The following FAM149B1 variants were observed in gnomAD, a reference collection of about 807,000 sequenced individuals.
FAM149B1 encodes primary cilium assembly protein FAM149B1.
A neutral mutation model predicts 75.3 loss-of-function variants in FAM149B1; 56 were observed. The ratio of observed to expected loss-of-function variants is 0.74; its 90% CI spans 0.60 to 0.93. The LOEUF is 0.93. Among genes scored for constraint, FAM149B1 ranks in the 40% least tolerant of loss-of-function variants. The pLI, the probability that FAM149B1 is intolerant of heterozygous loss-of-function variation, is 0.00. For synonymous variants in FAM149B1, 259 were observed against 256.1 expected (o/e 1.01, Z -0.11); for missense variants, 639 against 708.4 (o/e 0.90, Z 1.11).
At chr10:73,223,678 G>A (rs1003450709) in intron 7 of FAM149B1, among the ~76,000 whole-genome samples, 1 of 151,180 alleles carries the variant, frequency 6.6e-6, no homozygotes, top group Non-Finnish European at 1.5e-5. Flanking sequence ...CACACTTGAT[G>A]TGTGGTCTTT....
chr10:73,187,533 C>G (rs1476506448), intron 3 of FAM149B1, among the ~76,000 whole-genome samples: 1 of 151,390 alleles, frequency 6.6e-6, no homozygotes, highest in Non-Finnish European at 1.5e-5. Flanking sequence ...AGTTCGAGAC[C>G]AGCCTGACCA....
Position 73,168,405 on chromosome 10 carries a change from C to T in FAM149B1, c.47+19C>T. 6.5e-7 allele frequency: 1 copy of T among 1,549,098 alleles called. No individual in the cohort carries two copies. The highest frequency in any genetic ancestry group is 2.1e-4 in the Middle Eastern group (1 of 4,814). ...TGGAGCTGTGAGTGGACTGCTCAGC[C>T]ACCCCAGCCGGGGCGGGCGGCGGGC... On this transcript the variant is annotated intron_variant, in intron 1 of 13. Transcript: ENST00000242505.
At chr10:73,223,621 A>AC (rs2043468074) in intron 7 of FAM149B1, among the ~76,000 whole-genome samples, 1 of 152,230 alleles carries the variant, frequency 6.6e-6, no homozygotes, top group South Asian at 2.1e-4. Context: ...ATACCTACTT[A>AC]CAGCCTCTCC....
At chr10:73,194,812 T>C (rs529957128) in intron 5 of FAM149B1, among the ~76,000 whole-genome samples, 2 of 151,950 alleles carry the variant, frequency 1.3e-5, no homozygotes, top group Admixed American at 1.3e-4. Flanking sequence ...GCCTCCTGAT[T>C]AGCTGGGATT....
At chr10:73,174,186 G>A (rs919085817) in intron 1 of FAM149B1, among the ~76,000 whole-genome samples, 1 of 152,166 alleles carries the variant, frequency 6.6e-6, no homozygotes, top group Non-Finnish European at 1.5e-5. Flanking sequence ...GCCCAAGAGT[G>A]CAACTGCTAG....
chr10:73,234,705 T>C (rs2043782675), intron 10 of FAM149B1, 112 bp from the exon 11 acceptor site: 1 of 1,171,642 alleles, frequency 8.5e-7, no homozygotes, highest in Admixed American at 2.6e-5. Context: ...AGCCTAAAGC[T>C]TTCTGTGCAC....
chr10:73,243,225 G>A lies in FAM149B1; in HGVS notation c.*2206G>A, dbSNP rs1488006727. On this transcript the variant is annotated 3_prime_UTR_variant, in exon 14 of 14. Coordinates refer to ENST00000242505, the MANE Select transcript of FAM149B1 (RefSeq NM_173348.2). Reference sequence around the variant, plus strand: ...CTCACACAATGTCAAGTGCTTTCTAGGAAATACTAAGATCAGGTTGAGAGA... The same window carrying A: ...CTCACACAATGTCAAGTGCTTTCTAAGAAATACTAAGATCAGGTTGAGAGA... 1.1e-5 allele frequency: 7 copies of A among 661,498 alleles called. No individual in the cohort carries two copies. The highest frequency in any genetic ancestry group is 8.6e-5 in the Admixed American group (3 of 34,742). 41.0% of individuals were successfully genotyped at this position (661,498 alleles called of 1,614,324 possible).
rs1033706816 is a variant in FAM149B1, at chr10:73,177,901, C to G, written c.208C>G (p.Leu70Val). ...TACATCAGCCGACACTGGGAATTCA[C>G]TGTCTGCTTTTCCAAGTTATACAGG... ...SFTSADTGNS[L>V]SAFPSYTGAG... The change falls in exon 3 of 14, where the codon CTG (leucine) becomes GTG (valine). Residue 70 changes from leucine to valine, a missense_variant. Leu to Val is a conservative substitution (Grantham distance 32). Transcript: ENST00000242505. The G allele has an allele frequency of 7.7e-6, 12 of 1,551,558 alleles. No individual in the cohort carries two copies. Among genetic ancestry groups the G allele is most frequent in the Middle Eastern group, 1.7e-4 (1 of 6,014 alleles).
chr10:73,194,402 A>T (rs1276899735), intron 5 of FAM149B1, among the ~76,000 whole-genome samples: 1 of 151,758 alleles, frequency 6.6e-6, no homozygotes, highest in Non-Finnish European at 1.5e-5. Context: ...TTATTTATTT[A>T]TTTTTTTTGA....
At chr10:73,220,962 A>C (rs979998658) in intron 7 of FAM149B1, among the ~76,000 whole-genome samples, 1 of 152,252 alleles carries the variant, frequency 6.6e-6, no homozygotes. Context: ...GGAATTAAGT[A>C]CTGATACATG....
chr10:73,203,103 G>A (rs1481262981), intron 5 of FAM149B1, among the ~76,000 whole-genome samples: 3 of 152,110 alleles, frequency 2.0e-5, no homozygotes, highest in South Asian at 2.1e-4. Flanking sequence ...GTTAGCCCAC[G>A]GTGTTTTTTC....
At chr10:73,191,163 C>T (rs2042673871) in intron 3 of FAM149B1, among the ~76,000 whole-genome samples, 1 of 151,886 alleles carries the variant, frequency 6.6e-6, no homozygotes. Flanking sequence ...GCCTCAGCCT[C>T]CCAAGTAGCT....
In FAM149B1 at chr10:73,203,196, C is replaced by T. The variant is rs558249848; in HGVS notation, c.543-5423C>T. Reference sequence around the variant, plus strand: ...TCCACGTAGCAGAAAGGAGGAAAGACAGAAGGGCTAAATGGTATCCCTTGC... The same window carrying T: ...TCCACGTAGCAGAAAGGAGGAAAGATAGAAGGGCTAAATGGTATCCCTTGC... On this transcript the variant is annotated intron_variant, in intron 5 of 13. Coordinates refer to ENST00000242505, the MANE Select transcript of FAM149B1 (RefSeq NM_173348.2). Among the ~76,000 whole-genome samples the T allele has an allele frequency of 3.3e-5, 5 of 152,182 alleles. No homozygotes were observed. In the South Asian group the frequency reaches 6.2e-4, roughly 19 times the overall value.
At chr10:73,239,190 C>T (rs1223579524) in intron 12 of FAM149B1, 122 bp from the exon 13 acceptor site, 3 of 754,580 alleles carry the variant, frequency 4.0e-6, no homozygotes, top group Non-Finnish European at 6.5e-6. Context: ...TGACTTTTCC[C>T]TCAAGTTGGT....
At chr10:73,235,688 GAGTTGGGACTTTAATAA>G (rs1415562399) in intron 12 of FAM149B1, among the ~76,000 whole-genome samples, 4 of 152,148 alleles carry the variant, frequency 2.6e-5, no homozygotes, top group Non-Finnish European at 5.9e-5. Context: ...GTGGATGAGT[GAGTTGGGACTTTAATAA>G]AAAATTTTTT....
At chr10:73,215,752 T>G (rs1319068518) in intron 7 of FAM149B1, among the ~76,000 whole-genome samples, 4 of 152,236 alleles carry the variant, frequency 2.6e-5, no homozygotes, top group Non-Finnish European at 5.9e-5. Context: ...TCCGACTTTA[T>G]TCCACTGTGG....
In FAM149B1 at chr10:73,177,741, A is replaced by G. The variant is rs1844031814; in HGVS notation, c.153-105A>G. The G allele has an allele frequency of 4.1e-6, 4 of 981,524 alleles. No homozygotes were observed. The African/African-American group carries it at 5.0e-5, about 12-fold the overall frequency. 60.8% of individuals were successfully genotyped at this position (981,524 alleles called of 1,614,324 possible). ...TTTGCCTATGTGGATATATTTGTAC[A>G]CATGTTAATCACCTAGTAAGTTGCT... On this transcript the variant is annotated intron_variant, in intron 2 of 13. Transcript: ENST00000242505.
Position 73,243,147 on chromosome 10 carries a change from A to G in FAM149B1, c.*2128A>G. 2.3e-6 allele frequency: 1 copy of G among 439,622 alleles called. No homozygotes were observed. Among genetic ancestry groups the G allele is most frequent in the African/African-American group, 2.0e-5 (1 of 49,688 alleles). The allele number at this position is 439,622 out of a possible 1,614,324, so 27.2% of individuals were successfully genotyped here. A position where few individuals can be genotyped will look rare whatever the true frequency, so the allele number is the denominator to read the frequency against. Reference sequence around the variant, plus strand: ...GGAGGCAAGTGCTGTCAGGAAGGACACTGCCTCCCTCCACCCTCCCAAATG... The same window carrying G: ...GGAGGCAAGTGCTGTCAGGAAGGACGCTGCCTCCCTCCACCCTCCCAAATG... On this transcript the variant is annotated 3_prime_UTR_variant, in exon 14 of 14. Transcript: ENST00000242505.
At chr10:73,223,612 T>C (rs1160048522) in intron 7 of FAM149B1, among the ~76,000 whole-genome samples, 1 of 152,240 alleles carries the variant, frequency 6.6e-6, no homozygotes, top group Non-Finnish European at 1.5e-5. Flanking sequence ...AAAGTGGTTA[T>C]ACCTACTTAC....
Sources: gnomAD v4.1 joint callset for allele counts (sites outside exome capture counted in the v4.1 genomes callset) on GRCh38, gnomAD v4.1.1 for gene constraint, MANE v1.5 for transcripts, NCBI Gene and HGNC (gene_info 2026-07-23, HGNC 2026-07-21) for gene names.